Variants in OSBPL3 observed in about 807,000 individuals in gnomAD.
The protein encoded by OSBPL3 is oxysterol-binding protein-related protein 3.
In OSBPL3, 65 loss-of-function variants were observed where a neutral mutation model predicts 120.1. That is an observed-to-expected ratio of 0.54 (90% confidence interval 0.44 to 0.67). The LOEUF (loss-of-function observed/expected upper bound fraction) is 0.67, where lower values mean the gene tolerates loss of function less well. Among genes scored for constraint, OSBPL3 ranks in the 30% least tolerant of loss-of-function variants. The pLI is 0.00. For missense variants in OSBPL3, 1,004 were observed against 1,082.1 expected (o/e 0.93, Z 1.01); for synonymous variants, 416 against 402.6 (o/e 1.03, Z -0.40).
intron 1 of OSBPL3, among the ~76,000 whole-genome samples, chr7:24,895,275 T>A (rs1023063038): frequency 5.9e-5 from 9 of 152,216 alleles, no homozygotes; most frequent in African/African-American, 2.2e-4. Flanking sequence ...TTCTGTATTT[T>A]CACTGTACTT....
Position 24,912,398 on chromosome 7 carries a change from T to C in OSBPL3, c.-149-19777A>G, listed in dbSNP as rs13233846. Among the ~76,000 whole-genome samples, 14,275 of 152,286 alleles carry C rather than the reference T, an allele frequency of 0.094. 820 individuals are homozygous for C. Among genetic ancestry groups the C allele is most frequent in the East Asian group, 0.27 (1,390 of 5,184 alleles). On this transcript the variant is annotated intron_variant, in intron 1 of 22. Coordinates refer to ENST00000313367, the MANE Select transcript of OSBPL3 (RefSeq NM_015550.4). This position sits in a 1 kb window ranked among gnomAD's most constrained non-coding sequence, Gnocchi z 4.5. Reference sequence around the variant, plus strand: ...AAATTCAGCAACCAGGGCCTTGATCTTCCTTGCATATTCCCCTATGTTGCA... The same window carrying C: ...AAATTCAGCAACCAGGGCCTTGATCCTCCTTGCATATTCCCCTATGTTGCA...
rs1811946126 is a variant in OSBPL3, at chr7:24,932,799, G to C, written c.-149-40178C>G. ...CCAAATGGACTAAGACAGGGGCAAAGACCAAACTGCCTTATATTCAAGCAT... is the reference window on the plus strand; with the variant it reads ...CCAAATGGACTAAGACAGGGGCAAACACCAAACTGCCTTATATTCAAGCAT... On this transcript the variant is annotated intron_variant, in intron 1 of 22. Transcript: ENST00000313367. This position sits in a 1 kb window ranked among gnomAD's most constrained non-coding sequence, Gnocchi z 5.6. Among the ~76,000 whole-genome samples, 1 of 152,214 alleles carries C rather than the reference G, an allele frequency of 6.6e-6. No individual in the cohort carries two copies. The highest frequency in any genetic ancestry group is 2.1e-4 in the South Asian group (1 of 4,834).
chr7:24,847,528 G>A (rs1384489559), intron 12 of OSBPL3, among the ~76,000 whole-genome samples: 1 of 152,114 alleles, frequency 6.6e-6, no homozygotes, highest in Non-Finnish European at 1.5e-5. Context: ...TTTAAAATAT[G>A]CATTTTAAAT....
chr7:24,889,667 T>G (rs550296741), intron 2 of OSBPL3, among the ~76,000 whole-genome samples: 22 of 151,860 alleles, frequency 1.4e-4, no homozygotes, highest in Non-Finnish European at 2.6e-4. Flanking sequence ...CAAATAGAAA[T>G]GTGAAGTATA....
chr7:24,928,661 C>T (rs1811403368), intron 1 of OSBPL3, among the ~76,000 whole-genome samples: 1 of 152,162 alleles, frequency 6.6e-6, no homozygotes, highest in South Asian at 2.1e-4. Context: ...CAAAGAGCTC[C>T]CTCATGCCCT....
intron 1 of OSBPL3, among the ~76,000 whole-genome samples, chr7:24,934,108 T>A (rs1185533421): frequency 1.3e-5 from 2 of 152,174 alleles, no homozygotes; most frequent in Non-Finnish European, 2.9e-5. Context: ...GTCTTTTACA[T>A]GAAAAATTAA....
intron 1 of OSBPL3, among the ~76,000 whole-genome samples, chr7:24,911,716 A>G (rs1031422321): frequency 6.6e-6 from 1 of 152,210 alleles, no homozygotes; most frequent in African/African-American, 2.4e-5. Flanking sequence ...TCCTTGTAAG[A>G]GAATCACTAA....
intron 1 of OSBPL3, among the ~76,000 whole-genome samples, chr7:24,977,497 C>T (rs1432573074): frequency 6.6e-6 from 1 of 152,188 alleles, no homozygotes; most frequent in Non-Finnish European, 1.5e-5. Context: ...TCCTAAACCT[C>T]GTTTTCCAAT....
At chr7:24,971,925 A>G (rs1456025827) in intron 1 of OSBPL3, among the ~76,000 whole-genome samples, 1 of 152,192 alleles carries the variant, frequency 6.6e-6, no homozygotes, top group African/African-American at 2.4e-5. Context: ...TTAATTCTAT[A>G]TATGCCAGGA....
Position 24,815,180 on chromosome 7 carries a change from T to C in OSBPL3, c.2051A>G (p.Asn684Ser), listed in dbSNP as rs1794319732. The C allele has an allele frequency of 6.2e-7, 1 of 1,613,742 alleles. No individual in the cohort carries two copies. The highest frequency in any genetic ancestry group is 1.3e-5 in the African/African-American group (1 of 74,918). ...GTTATGGATGCAAGAGGTCACTTTG[T>C]TCCACTCAAAATGATCCCCAAAACT... ...LPVFGDHFEW[N>S]KVTSCIHNIL... Residue 684 changes from asparagine to serine, a missense_variant, in exon 19 of 23, where the codon AAC becomes AGC. Around this residue, in one of 4 missense-constraint regions of OSBPL3, gnomAD observed 473 missense variants for 568.0 expected, o/e 0.83. Coordinates refer to ENST00000313367, the MANE Select transcript of OSBPL3 (RefSeq NM_015550.4). This position sits in a 1 kb window ranked among gnomAD's most constrained non-coding sequence, Gnocchi z 5.1.
intron 10 of OSBPL3, among the ~76,000 whole-genome samples, chr7:24,859,225 A>G (rs1800201294): frequency 6.6e-6 from 1 of 152,202 alleles, no homozygotes; most frequent in Non-Finnish European, 1.5e-5. Context: ...AATGTACGAA[A>G]CAAAAATACG....
At position 24,939,702 on chromosome 7, in the gene OSBPL3, C is replaced by A. The variant is rs1812849651; in HGVS notation, c.-150+40184G>T. 6.6e-6 allele frequency among the ~76,000 whole-genome samples: 1 copy of A among 152,108 alleles called. No individual in the cohort carries two copies. The highest frequency in any genetic ancestry group is 2.4e-5 in the African/African-American group (1 of 41,410). The stretch of plus-strand genomic sequence containing the variant: ...CAGCCAAAATCACCCTAATAGTCAA[C>A]AGTATCAAACATTAACAGGCCAAAA... On this transcript the variant is annotated intron_variant, in intron 1 of 22. Transcript: ENST00000313367. The surrounding 1 kb of genome is among the most constrained non-coding windows in gnomAD (Gnocchi z 4.2).
In OSBPL3 at chr7:24,912,720, T is replaced by G. The variant is rs1342509078; in HGVS notation, c.-149-20099A>C. On this transcript the variant is annotated intron_variant, in intron 1 of 22. Coordinates refer to ENST00000313367, the MANE Select transcript of OSBPL3 (RefSeq NM_015550.4). The surrounding 1 kb of genome is among the most constrained non-coding windows in gnomAD (Gnocchi z 4.5). ...ATTACTGGGTGTGGAAGATGTATTT[T>G]TCAAAGACGACCATACCAATGTACA... Among the ~76,000 whole-genome samples the G allele has an allele frequency of 6.6e-6, 1 of 152,204 alleles. No homozygotes were observed. Among genetic ancestry groups the G allele is most frequent in the Admixed American group, 6.5e-5 (1 of 15,286 alleles).
At position 24,852,730 on chromosome 7, in the gene OSBPL3, G is replaced by T; in HGVS notation, c.1028-96C>A. 1.3e-6 allele frequency: 1 copy of T among 784,104 alleles called. No homozygotes were observed. The highest frequency in any genetic ancestry group is 1.9e-6 in the Non-Finnish European group (1 of 523,578). 48.6% of individuals were successfully genotyped at this position (784,104 alleles called of 1,614,324 possible). On this transcript the variant is annotated intron_variant, in intron 10 of 22. Transcript: ENST00000313367. This position sits in a 1 kb window ranked among gnomAD's most constrained non-coding sequence, Gnocchi z 4.1. The stretch of plus-strand genomic sequence containing the variant: ...ATCTCTTATAAAAGAAACAAGCAAA[G>T]TAACAGCCCTGAATATTTTGAGTAT...
rs1161688056 is a variant in OSBPL3, at chr7:24,834,533, C to T, written c.1699G>A (p.Glu567Lys). The change falls in exon 15 of 23, where the codon GAG (glutamate) becomes AAG (lysine). Residue 567 changes from glutamate (E) to lysine (K), a missense_variant. This residue lies in a region of OSBPL3 where 473 missense variants were observed against 568.0 expected (regional missense o/e 0.83). Coordinates refer to ENST00000313367, the MANE Select transcript of OSBPL3 (RefSeq NM_015550.4). The surrounding 1 kb of genome is among the most constrained non-coding windows in gnomAD (Gnocchi z 5.2). ...ATCTGCGCGGCCTTGTCCAGGAGCTCGCTGTACTCCAGCTCCTCGCAGAGC... is the reference window on the plus strand; with the variant it reads ...ATCTGCGCGGCCTTGTCCAGGAGCTTGCTGTACTCCAGCTCCTCGCAGAGC... ...QRLCEELEYSELLDKAAQIPS... is the reference protein window; with the variant it reads ...QRLCEELEYSKLLDKAAQIPS... The T allele has an allele frequency of 2.5e-6, 4 of 1,613,934 alleles. No homozygotes were observed. The highest frequency in any genetic ancestry group is 3.4e-6 in the Non-Finnish European group (4 of 1,179,908).
rs759571385 is a variant in OSBPL3, at chr7:24,817,848, C to T, written c.1949-1160G>A. Among the ~76,000 whole-genome samples the T allele has an allele frequency of 1.1e-4, 16 of 152,142 alleles. No individual in the cohort carries two copies. Among genetic ancestry groups the T allele is most frequent in the Admixed American group, 1.3e-4 (2 of 15,274 alleles). On this transcript the variant is annotated intron_variant, in intron 17 of 22. Transcript: ENST00000313367. This position sits in a 1 kb window ranked among gnomAD's most constrained non-coding sequence, Gnocchi z 4.0. ...AAGTTAGATACAGACTGAAAAAGAA[C>T]GAATTTATGAACAATGTCAGATTTC...
chr7:24,856,747 A>G (rs560925366), intron 10 of OSBPL3, among the ~76,000 whole-genome samples: 3 of 152,214 alleles, frequency 2.0e-5, no homozygotes, highest in South Asian at 2.1e-4. Flanking sequence ...AAACAGTGAG[A>G]CTCATTTTTC....
At position 24,968,812 on chromosome 7, in the gene OSBPL3, C is replaced by G. The variant is rs751818240; in HGVS notation, c.-150+11074G>C. On this transcript the variant is annotated intron_variant, in intron 1 of 22. Transcript: ENST00000313367. The surrounding 1 kb of genome is among the most constrained non-coding windows in gnomAD (Gnocchi z 4.6). Reference sequence around the variant, plus strand: ...TGGATATTCTATACTTCACTTTTTTCTTAACTTCACAATAAATCTCACATA... The same window carrying G: ...TGGATATTCTATACTTCACTTTTTTGTTAACTTCACAATAAATCTCACATA... Among the ~76,000 whole-genome samples the G allele has an allele frequency of 6.6e-6, 1 of 152,064 alleles. No individual in the cohort carries two copies. The highest frequency in any genetic ancestry group is 1.5e-5 in the Non-Finnish European group (1 of 68,004).
At chr7:24,941,486 C>G (rs1813103877) in intron 1 of OSBPL3, among the ~76,000 whole-genome samples, 1 of 152,142 alleles carries the variant, frequency 6.6e-6, no homozygotes, top group Non-Finnish European at 1.5e-5. Context: ...GTGAGCTCTC[C>G]CCACTAAATG....
Sources: gnomAD v4.1 joint callset for allele counts (sites outside exome capture counted in the v4.1 genomes callset) on GRCh38, gnomAD v4.1.1 for gene constraint, gnomAD v4.1.1 regional missense constraint, Gnocchi (gnomAD v3.1) non-coding constraint, MANE v1.5 for transcripts, NCBI Gene and HGNC (gene_info 2026-07-23, HGNC 2026-07-21) for gene names.